Variants in SH3RF3 observed in about 807,000 individuals in gnomAD.
The protein encoded by SH3RF3 is SH3 domain containing ring finger 3, also known as E3 ubiquitin-protein ligase SH3RF3.
In SH3RF3, 29 loss-of-function variants were observed where a neutral mutation model predicts 66.3. The ratio of observed to expected loss-of-function variants is 0.44; its 90% CI spans 0.33 to 0.60. SH3RF3 has a LOEUF of 0.60. Among genes scored for constraint, SH3RF3 ranks in the 20% least tolerant of loss-of-function variants. The probability of loss-of-function intolerance (pLI) is 0.04; values close to 1 mark genes in which losing one functional copy is unlikely to be tolerated. For missense variants in SH3RF3, 1,194 were observed against 1,190.9 expected, an observed-to-expected ratio of 1.00 and a Z score of -0.04; for synonymous variants, 583 against 532.0, an observed-to-expected ratio of 1.10 and a Z score of -1.32.
chr2:109,303,929 C>A (rs535743199), intron 1 of SH3RF3, among the ~76,000 whole-genome samples: 15 of 151,874 alleles, frequency 9.9e-5, no homozygotes, highest in African/African-American at 3.4e-4. Flanking sequence ...AGATATAACC[C>A]CGTCTCTACT....
At chr2:109,251,922 C>T (rs1361529540) in intron 1 of SH3RF3, among the ~76,000 whole-genome samples, 3 of 152,036 alleles carry the variant, frequency 2.0e-5, no homozygotes, top group African/African-American at 4.8e-5. Flanking sequence ...GTTCTTAAAT[C>T]GGCAAAAGTA....
intron 1 of SH3RF3, among the ~76,000 whole-genome samples, chr2:109,156,759 T>A (rs528105043): frequency 1.3e-5 from 2 of 152,186 alleles, no homozygotes; most frequent in South Asian, 2.1e-4. Context: ...TTAAGTTTTT[T>A]AAAAAGGGAT....
rs573375276 is a variant in SH3RF3 at position 109,478,321 on chromosome 2, G to A, written c.2149-12284G>A. On this transcript the variant is annotated intron_variant, in intron 8 of 9. Coordinates refer to ENST00000309415, the MANE Select transcript of SH3RF3 (RefSeq NM_001099289.3). ...TTGCACTGTTTGGATTCCCTAGGCT[G>A]TCTGAAAATGTGTCCTTTGAGTAAA... Among the ~76,000 whole-genome samples the A allele has an allele frequency of 2.0e-5, 3 of 152,308 alleles. No individual in the cohort carries two copies. In the East Asian group the frequency reaches 5.8e-4, roughly 29 times the overall value.
chr2:109,194,156 A>G (rs1678437680), intron 1 of SH3RF3, among the ~76,000 whole-genome samples: 1 of 152,220 alleles, frequency 6.6e-6, no homozygotes, highest in Non-Finnish European at 1.5e-5. Context: ...ACATGTGTCC[A>G]AGCCCTTCCC....
chr2:109,272,253 A>G (rs565029564), intron 1 of SH3RF3, among the ~76,000 whole-genome samples: 2 of 152,334 alleles, frequency 1.3e-5, no homozygotes, highest in South Asian at 4.1e-4. Flanking sequence ...TGTCTAGGTG[A>G]AATCTCTAGC....
intron 5 of SH3RF3, among the ~76,000 whole-genome samples, chr2:109,420,418 T>A (rs1676841521): frequency 1.3e-5 from 2 of 151,938 alleles, no homozygotes; most frequent in Admixed American, 6.6e-5. Context: ...CAGAACAGGA[T>A]TTTTTGTTGT....
At chr2:109,499,589 G>A (rs1679337714) in intron 9 of SH3RF3, among the ~76,000 whole-genome samples, 1 of 152,212 alleles carries the variant, frequency 6.6e-6, no homozygotes, top group Admixed American at 6.5e-5. Flanking sequence ...AGTGGGGATG[G>A]GGCCCTGCCT....
rs568277434 is a variant in SH3RF3 at position 109,325,396 on chromosome 2, C to T, written c.574-22278C>T. On this transcript the variant is annotated intron_variant, in intron 1 of 9. Transcript: ENST00000309415. ...TTGCTCTGTCACTCAGGCTGGAGTACAGTGGTGTGATCATGGCTCACTGTA... is the reference window on the plus strand; with the variant it reads ...TTGCTCTGTCACTCAGGCTGGAGTATAGTGGTGTGATCATGGCTCACTGTA... Among the ~76,000 whole-genome samples the T allele has an allele frequency of 3.4e-5, 4 of 118,846 alleles. 1 individual carries two copies. Among genetic ancestry groups the T allele is most frequent in the Admixed American group, 2.3e-4 (2 of 8,634 alleles). 78.0% of individuals were successfully genotyped at this position (118,846 alleles called of 152,430 possible).
rs1053867416 is a variant in SH3RF3, at chr2:109,251,303, G to A, written c.574-96371G>A. The stretch of plus-strand genomic sequence containing the variant: ...ATTACAGGCGTGAGCCACCATGCCC[G>A]GCCCAAATTATCTTTAACAAAGAAT... On this transcript the variant is annotated intron_variant, in intron 1 of 9. Coordinates refer to ENST00000309415, the MANE Select transcript of SH3RF3 (RefSeq NM_001099289.3). The A allele has an allele frequency of 1.3e-4, 51 of 403,638 alleles. 2 individuals are homozygous for A. The Admixed American group carries it at 1.5e-3, about 12-fold the overall frequency. The allele number at this position is 403,638 out of a possible 1,614,324, so 25.0% of individuals were successfully genotyped here. A position where few individuals can be genotyped will look rare whatever the true frequency, so the allele number is the denominator to read the frequency against.
intron 3 of SH3RF3, among the ~76,000 whole-genome samples, chr2:109,396,725 C>A (rs918108543): frequency 6.6e-6 from 1 of 152,186 alleles, no homozygotes; most frequent in African/African-American, 2.4e-5. Flanking sequence ...GGGGACAGGC[C>A]CCTCCTGGCA....
chr2:109,472,322 T>C (rs1395163811), intron 8 of SH3RF3, among the ~76,000 whole-genome samples: 1 of 150,612 alleles, frequency 6.6e-6, no homozygotes. Context: ...TCCCGGGCCC[T>C]CCTCACCTGC....
intron 1 of SH3RF3, among the ~76,000 whole-genome samples, chr2:109,288,599 A>C (rs1261974549): frequency 6.6e-6 from 1 of 152,194 alleles, no homozygotes; most frequent in Non-Finnish European, 1.5e-5. Context: ...CTGTTTCCTG[A>C]CAGCACACTG....
intron 4 of SH3RF3, among the ~76,000 whole-genome samples, chr2:109,410,566 C>T (rs751171620): frequency 7.2e-5 from 11 of 152,218 alleles, no homozygotes; most frequent in Admixed American, 7.2e-4. Flanking sequence ...GTGAAATGCT[C>T]ACAGGCTGTG....
intron 2 of SH3RF3, among the ~76,000 whole-genome samples, chr2:109,352,160 A>T (rs766865757): frequency 6.6e-6 from 1 of 152,204 alleles, no homozygotes; most frequent in African/African-American, 2.4e-5. Flanking sequence ...GGCATTTTAA[A>T]ACCCAAGCTC....
chr2:109,487,102 C>G (rs142714133), intron 8 of SH3RF3, among the ~76,000 whole-genome samples: 26 of 152,294 alleles, frequency 1.7e-4, no homozygotes, highest in Admixed American at 5.9e-4. Flanking sequence ...AACAGGGATG[C>G]CAAATCCACA....
intron 4 of SH3RF3, among the ~76,000 whole-genome samples, chr2:109,399,161 G>A (rs72824740): frequency 1.8e-4 from 28 of 152,214 alleles, no homozygotes; most frequent in Non-Finnish European, 3.7e-4. Context: ...AGATGGCCTC[G>A]TGGTGTGTGA....
At chr2:109,486,958 G>A (rs1357768327) in intron 8 of SH3RF3, among the ~76,000 whole-genome samples, 1 of 152,220 alleles carries the variant, frequency 6.6e-6, no homozygotes, top group Admixed American at 6.5e-5. Context: ...AGGCTGAACT[G>A]ATTGGAGCCT....
intron 1 of SH3RF3, among the ~76,000 whole-genome samples, chr2:109,205,456 G>C (rs762638514): frequency 6.9e-4 from 105 of 151,944 alleles, no homozygotes; most frequent in African/African-American, 2.4e-3. Flanking sequence ...CACCATGTTG[G>C]CCAGGCTGGT....
Position 109,356,496 on chromosome 2 carries a change from G to A in SH3RF3, c.849+8547G>A, listed in dbSNP as rs566606228. 1.5e-3 allele frequency among the ~76,000 whole-genome samples: 221 copies of A among 152,320 alleles called. 2 individuals carry two copies. Among genetic ancestry groups the A allele is most frequent in the African/African-American group, 4.3e-3 (178 of 41,564 alleles). ...TTTAGATGCCACATATGGCAGCCTG[G>A]TGGGGTTTTCATGTGCTTTCTCAAT... On this transcript the variant is annotated intron_variant, in intron 2 of 9. Coordinates refer to ENST00000309415, the MANE Select transcript of SH3RF3 (RefSeq NM_001099289.3).
Sources: gnomAD v4.1 joint callset for allele counts (sites outside exome capture counted in the v4.1 genomes callset) on GRCh38, gnomAD v4.1.1 for gene constraint, MANE v1.5 for transcripts, NCBI Gene and HGNC (gene_info 2026-07-23, HGNC 2026-07-21) for gene names.